Variants in GPC6 observed in about 807,000 individuals in gnomAD.
GPC6 encodes glypican 6.
A neutral mutation model predicts 55.2 loss-of-function variants in GPC6; 14 were observed. That is an observed-to-expected ratio of 0.25 (90% CI 0.17 to 0.40). The LOEUF (loss-of-function observed/expected upper bound fraction) is 0.40, where lower values mean the gene tolerates loss of function less well. Among genes scored for constraint, GPC6 ranks in the 10% least tolerant of loss-of-function variants. The pLI, the probability that GPC6 is intolerant of heterozygous loss-of-function variation, is 1.00. For synonymous variants in GPC6, 278 were observed against 259.6 expected, an observed-to-expected ratio of 1.07 and a Z score of -0.68; for missense variants, 641 against 708.5, an observed-to-expected ratio of 0.90 and a Z score of 1.08.
chr13:93,335,378 T>G (rs1434492202), intron 1 of GPC6, among the ~76,000 whole-genome samples: 1 of 152,216 alleles, frequency 6.6e-6, no homozygotes, highest in African/African-American at 2.4e-5. Context: ...GGTGTTTCAT[T>G]TGGGTATCCC....
chr13:94,246,539 G>A (rs573185980), intron 4 of GPC6, among the ~76,000 whole-genome samples: 1 of 152,090 alleles, frequency 6.6e-6, no homozygotes, highest in East Asian at 1.9e-4. Flanking sequence ...TTTTATGCAT[G>A]GCATAAGATA....
intron 4 of GPC6, among the ~76,000 whole-genome samples, chr13:94,032,516 A>G (rs1250257725): frequency 6.6e-6 from 1 of 152,184 alleles, no homozygotes; most frequent in African/African-American, 2.4e-5. Flanking sequence ...ATCACTCTCA[A>G]TAGGTCTAGC....
intron 6 of GPC6, among the ~76,000 whole-genome samples, chr13:94,339,354 G>A (rs896623941): frequency 7.2e-5 from 11 of 152,052 alleles, no homozygotes; most frequent in Non-Finnish European, 1.0e-4. Context: ...GTGAGCCATC[G>A]CACCCGGCCT....
chr13:93,947,456 A>G (rs12870155), intron 3 of GPC6, among the ~76,000 whole-genome samples: 7 of 152,246 alleles, frequency 4.6e-5, no homozygotes, highest in Non-Finnish European at 1.0e-4. Context: ...AGATGAAAAC[A>G]GAGTTTACTA....
chr13:94,401,753 G>T (rs911423219), intron 8 of GPC6, among the ~76,000 whole-genome samples: 2 of 152,076 alleles, frequency 1.3e-5, no homozygotes, highest in African/African-American at 4.8e-5. Context: ...TTCTTCACTT[G>T]ATTTTTTTCA....
intron 6 of GPC6, among the ~76,000 whole-genome samples, chr13:94,318,345 C>A (rs1488626699): frequency 6.6e-6 from 1 of 152,110 alleles, no homozygotes; most frequent in Non-Finnish European, 1.5e-5. Context: ...ACCCATAGTA[C>A]CAAACCCTAT....
chr13:93,918,408 A>G (rs2140342486), intron 3 of GPC6, among the ~76,000 whole-genome samples: 1 of 152,240 alleles, frequency 6.6e-6, no homozygotes, highest in South Asian at 2.1e-4. Context: ...GGCAGTTTTA[A>G]AGCTCCTTCA....
chr13:94,074,853 A>G (rs1266444933), intron 4 of GPC6, among the ~76,000 whole-genome samples: 1 of 152,216 alleles, frequency 6.6e-6, no homozygotes, highest in African/African-American at 2.4e-5. Flanking sequence ...ATTAGATCAC[A>G]GTGAGTCTGG....
At position 94,357,836 on chromosome 13, in the gene GPC6, GT is replaced by G. The variant is rs1878870319; in HGVS notation, c.1153-24577del. ...TTCTTGTCAATGTTGACATCACGTTGTACTACTGTCTGTTTTTATGTCTATA... is the reference window on the plus strand; with the variant it reads ...TTCTTGTCAATGTTGACATCACGTTGACTACTGTCTGTTTTTATGTCTATA... On this transcript the variant is annotated intron_variant, in intron 6 of 8. Transcript: ENST00000377047. Among the ~76,000 whole-genome samples, 4 of 152,162 alleles carry G rather than the reference GT, an allele frequency of 2.6e-5. No homozygotes were observed. In the South Asian group the frequency reaches 8.3e-4, roughly 32 times the overall value.
At chr13:93,402,183 G>A (rs1446997781) in intron 1 of GPC6, among the ~76,000 whole-genome samples, 2 of 152,098 alleles carry the variant, frequency 1.3e-5, no homozygotes, top group Non-Finnish European at 2.9e-5. Context: ...TGCTAATAAG[G>A]AATGCAAGTA....
At chr13:93,589,821 T>C (rs1337244043) in intron 2 of GPC6, among the ~76,000 whole-genome samples, 1 of 152,242 alleles carries the variant, frequency 6.6e-6, no homozygotes, top group Non-Finnish European at 1.5e-5. Flanking sequence ...TTGTTTGCTT[T>C]GCTCAAAATT....
At chr13:93,267,096 A>G (rs1249542724) in intron 1 of GPC6, among the ~76,000 whole-genome samples, 1 of 152,208 alleles carries the variant, frequency 6.6e-6, no homozygotes, top group Non-Finnish European at 1.5e-5. Context: ...AGCAAAAGCC[A>G]GCTGTGCTGG....
chr13:94,284,865 T>TAA (rs10545616), intron 4 of GPC6, among the ~76,000 whole-genome samples: 23 of 141,464 alleles, frequency 1.6e-4, no homozygotes, highest in South Asian at 9.3e-4. Flanking sequence ...TTGTGGATAA[T>TAA]AAAAAAAAAA....
chr13:93,612,364 T>A (rs911397364), intron 2 of GPC6, among the ~76,000 whole-genome samples: 2 of 152,054 alleles, frequency 1.3e-5, no homozygotes, highest in Admixed American at 1.3e-4. Context: ...CCGAGCATGG[T>A]GGCACGTACC....
chr13:93,864,232 AGAT>A (rs1888896135), intron 3 of GPC6, among the ~76,000 whole-genome samples: 1 of 151,736 alleles, frequency 6.6e-6, no homozygotes, highest in African/African-American at 2.4e-5. Context: ...GTTAAGTATA[AGAT>A]GATAACTGCC....
intron 1 of GPC6, among the ~76,000 whole-genome samples, chr13:93,527,864 T>C (rs779528630): frequency 5.9e-5 from 9 of 152,124 alleles, no homozygotes; most frequent in Non-Finnish European, 1.0e-4. Context: ...TCCATTGTCA[T>C]GGAGGGAGGC....
intron 4 of GPC6, among the ~76,000 whole-genome samples, chr13:94,186,421 C>T (rs1889189552): frequency 6.6e-6 from 1 of 152,146 alleles, no homozygotes; most frequent in South Asian, 2.1e-4. Flanking sequence ...TTACCTTTAC[C>T]AAGATTTTTC....
At chr13:94,141,672 T>C (rs1887382763) in intron 4 of GPC6, among the ~76,000 whole-genome samples, 1 of 152,168 alleles carries the variant, frequency 6.6e-6, no homozygotes, top group African/African-American at 2.4e-5. Flanking sequence ...AGTTAATAAT[T>C]GAAAAATTAA....
intron 4 of GPC6, among the ~76,000 whole-genome samples, chr13:94,233,929 A>AC (rs1890802390): frequency 6.6e-6 from 1 of 152,004 alleles, no homozygotes; most frequent in Admixed American, 6.6e-5. Flanking sequence ...CTTCGAACAT[A>AC]CCCCCCAGGG....
Sources: gnomAD v4.1 joint callset for allele counts (sites outside exome capture counted in the v4.1 genomes callset) on GRCh38, gnomAD v4.1.1 for gene constraint, MANE v1.5 for transcripts, NCBI Gene and HGNC (gene_info 2026-07-23, HGNC 2026-07-21) for gene names.